The following SEMA6D variants were observed in gnomAD, a reference collection of about 807,000 sequenced individuals.
SEMA6D encodes the protein semaphorin-6D.
In SEMA6D, 35 loss-of-function variants were observed where a neutral mutation model predicts 106.6. That is an observed-to-expected ratio of 0.33 (90% CI 0.25 to 0.44). The LOEUF is 0.44. SEMA6D is among the 20% of genes least tolerant of loss of function. The probability of loss-of-function intolerance (pLI) is 1.00; values close to 1 mark genes in which losing one functional copy is unlikely to be tolerated. For synonymous variants in SEMA6D, 499 were observed against 487.7 expected, an observed-to-expected ratio of 1.02 and a Z score of -0.31; for missense variants, 1,185 against 1,345.9, an observed-to-expected ratio of 0.88 and a Z score of 1.87.
Position 47,771,275 on chromosome 15 carries a change from C to G in SEMA6D, c.2712C>G (p.His904Gln), listed in dbSNP as rs745803484. 18 of 1,613,938 alleles carry G rather than the reference C, an allele frequency of 1.1e-5. No homozygotes were observed. The South Asian group carries it at 1.6e-4, about 15-fold the overall frequency. Reference protein sequence around the residue: ...KAIMGDIQMAHQNLMLDPMGS... With the variant: ...KAIMGDIQMAQQNLMLDPMGS... ...TCATGGGAGACATCCAGATGGCACACCAGAACTTAATGCTGGATCCCATGG... is the reference window on the plus strand; with the variant it reads ...TCATGGGAGACATCCAGATGGCACAGCAGAACTTAATGCTGGATCCCATGG... Residue 904 changes from histidine to glutamine, a missense_variant, in exon 19 of 19, where the codon CAC becomes CAG. By Grantham distance (24) the His-to-Gln change is conservative (BLOSUM62 0). Transcript: ENST00000536845.
At chr15:47,276,331 A>C (rs151296088) in intron 1 of SEMA6D, among the ~76,000 whole-genome samples, 26 of 152,256 alleles carry the variant, frequency 1.7e-4, no homozygotes, top group Admixed American at 5.2e-4. Context: ...TATTGGAAGA[A>C]GATGTCATGT....
At chr15:47,338,097 C>A (rs2037646364) in intron 1 of SEMA6D, among the ~76,000 whole-genome samples, 1 of 152,178 alleles carries the variant, frequency 6.6e-6, no homozygotes, top group African/African-American at 2.4e-5. Context: ...GAGGAGAAGG[C>A]ACTTGCTAGA....
upstream of SEMA6D, among the ~76,000 whole-genome samples, chr15:47,715,008 A>C (rs1472355636): frequency 6.6e-6 from 1 of 152,174 alleles, no homozygotes; most frequent in African/African-American, 2.4e-5. Context: ...TTAATTACGT[A>C]AGTGAACTGG....
intron 1 of SEMA6D, among the ~76,000 whole-genome samples, chr15:47,269,242 T>C (rs2034453266): frequency 6.6e-6 from 1 of 152,142 alleles, no homozygotes; most frequent in Non-Finnish European, 1.5e-5. Flanking sequence ...ATAATCTGTC[T>C]TTCAGAAAGG....
intron 1 of SEMA6D, among the ~76,000 whole-genome samples, chr15:47,358,856 A>G (rs2038692865): frequency 1.3e-5 from 2 of 152,168 alleles, no homozygotes; most frequent in Admixed American, 6.5e-5. Context: ...CAATTTTTAA[A>G]CATGAATTCT....
rs1567031196 is a variant in SEMA6D at position 47,367,712 on chromosome 15, AC to A, written c.-238-44680del. Among the ~76,000 whole-genome samples, 575 of 150,138 alleles carry A rather than the reference AC, an allele frequency of 3.8e-3. 6 individuals are homozygous for A. Among genetic ancestry groups the A allele is most frequent in the Non-Finnish European group, 3.9e-3 (266 of 67,760 alleles). Reference sequence around the variant, plus strand: ...CGCGCGCACACACACACACACACACACACACACACACACACAGAGAGAGAGA... The same window carrying A: ...CGCGCGCACACACACACACACACACAACACACACACACACAGAGAGAGAGA... On this transcript the variant is annotated intron_variant, in intron 1 of 19. Transcript: ENST00000558014.
intron 1 of SEMA6D, among the ~76,000 whole-genome samples, chr15:47,268,588 C>G (rs1414435095): frequency 1.3e-5 from 2 of 152,148 alleles, no homozygotes; most frequent in Non-Finnish European, 2.9e-5. Flanking sequence ...CATCCCACCT[C>G]TGTGTATGTT....
intron 2 of SEMA6D, among the ~76,000 whole-genome samples, chr15:47,427,371 G>A (rs989369997): frequency 6.6e-6 from 1 of 152,126 alleles, no homozygotes; most frequent in African/African-American, 2.4e-5. Context: ...TACAGTCACA[G>A]CATGCAACCA....
chr15:47,490,865 CTAAT>C (rs1337553870), intron 3 of SEMA6D, among the ~76,000 whole-genome samples: 2 of 152,136 alleles, frequency 1.3e-5, no homozygotes, highest in African/African-American at 4.8e-5. Context: ...TATGCTCCAT[CTAAT>C]TAATAGTCAG....
At chr15:47,461,362 A>G (rs1341797431) in intron 2 of SEMA6D, among the ~76,000 whole-genome samples, 4 of 152,018 alleles carry the variant, frequency 2.6e-5, no homozygotes, top group African/African-American at 7.2e-5. Context: ...TCTTGAATGT[A>G]TGCTGCATAA....
At chr15:47,580,001 C>G (rs2076227718) in intron 3 of SEMA6D, among the ~76,000 whole-genome samples, 1 of 152,138 alleles carries the variant, frequency 6.6e-6, no homozygotes, top group Non-Finnish European at 1.5e-5. Flanking sequence ...CTGATTTGAC[C>G]TTTTACGTAG....
chr15:47,711,036 G>A (rs1030360088), intron 4 of SEMA6D, among the ~76,000 whole-genome samples: 3 of 152,112 alleles, frequency 2.0e-5, no homozygotes, highest in Admixed American at 6.5e-5. Flanking sequence ...GTGGCCGGGC[G>A]CGGTGGCTCA....
chr15:47,717,427 G>A (rs1460186139), upstream of SEMA6D: 2 of 152,068 alleles, frequency 1.3e-5, no homozygotes, highest in African/African-American at 4.8e-5. Flanking sequence ...GCCAGGCTCC[G>A]GCTCGCCTGA....
intron 2 of SEMA6D, among the ~76,000 whole-genome samples, chr15:47,439,569 G>A (rs1331778294): frequency 6.6e-6 from 1 of 151,998 alleles, no homozygotes; most frequent in Non-Finnish European, 1.5e-5. Flanking sequence ...ATATCCTCTG[G>A]GCCATGGTGT....
intron 4 of SEMA6D, among the ~76,000 whole-genome samples, chr15:47,653,951 T>C (rs1354650248): frequency 2.0e-5 from 3 of 152,210 alleles, no homozygotes; most frequent in African/African-American, 7.2e-5. Flanking sequence ...CCTGGCACTG[T>C]GCTGGGCTCT....
At chr15:47,686,823 T>C (rs1028171858) in intron 4 of SEMA6D, among the ~76,000 whole-genome samples, 7 of 152,180 alleles carry the variant, frequency 4.6e-5, no homozygotes, top group African/African-American at 1.4e-4. Context: ...CCCAGCACTT[T>C]GGGGGACTGA....
chr15:47,238,852 C>T (rs548474753), intron 1 of SEMA6D, among the ~76,000 whole-genome samples: 1 of 152,262 alleles, frequency 6.6e-6, no homozygotes, highest in African/African-American at 2.4e-5. Context: ...AGGTGCTCCT[C>T]TCCTCTTTTA....
chr15:47,454,430 G>A (rs1447273426), intron 2 of SEMA6D, among the ~76,000 whole-genome samples: 4 of 151,802 alleles, frequency 2.6e-5, no homozygotes, highest in African/African-American at 9.7e-5. Flanking sequence ...AAATTTCTGG[G>A]GCAATAGATA....
intron 3 of SEMA6D, among the ~76,000 whole-genome samples, chr15:47,567,131 A>G (rs2046252187): frequency 6.6e-6 from 1 of 152,248 alleles, no homozygotes; most frequent in Non-Finnish European, 1.5e-5. Context: ...AAAATTCATC[A>G]GAGAATTTCC....
Sources: gnomAD v4.1 joint callset for allele counts (sites outside exome capture counted in the v4.1 genomes callset) on GRCh38, gnomAD v4.1.1 for gene constraint, MANE v1.5 for transcripts, NCBI Gene and HGNC (gene_info 2026-07-23, HGNC 2026-07-21) for gene names.